SST: variants seen among roughly 807,000 people sequenced by gnomAD.
SST encodes somatostatin.
A neutral mutation model predicts 10.4 loss-of-function variants in SST; 7 were observed. That is an observed-to-expected ratio of 0.67 (90% CI 0.38 to 1.26). The LOEUF (loss-of-function observed/expected upper bound fraction) is 1.26, where lower values mean the gene tolerates loss of function less well. Ranked by LOEUF, SST falls within the 50% of genes most tolerant of loss-of-function variation. The probability of loss-of-function intolerance (pLI) is 0.02; values close to 1 mark genes in which losing one functional copy is unlikely to be tolerated. For missense variants in SST, 145 were observed against 140.8 expected (o/e 1.03, Z -0.15); for synonymous variants, 63 against 63.9 (o/e 0.99, Z 0.07).
In SST at chr3:187,669,196, A is replaced by G. The variant is rs200885816; in HGVS notation, c.220T>C (p.Ser74Pro). 9.9e-6 allele frequency: 16 copies of G among 1,613,958 alleles called. No individual in the cohort carries two copies. In the African/African-American group the frequency reaches 1.1e-4, roughly 11 times the overall value. The change falls in exon 2 of 2, where the codon TCC (serine) becomes CCC (proline). Residue 74 changes from serine (S) to proline (P), a missense_variant. Ser to Pro is a moderately conservative substitution (Grantham distance 74). Transcript: ENST00000287641. Reference protein sequence around the residue: ...ENDALEPEDLSQAAEQDEMRL... With the variant: ...ENDALEPEDLPQAAEQDEMRL... Reference sequence around the variant, plus strand: ...ATTTCATCCTGCTCAGCAGCCTGGGACAGATCTTCAGGTTCCAGGGCATCA... The same window carrying G: ...ATTTCATCCTGCTCAGCAGCCTGGGGCAGATCTTCAGGTTCCAGGGCATCA...
chr3:187,670,172 A>G lies in SST; in HGVS notation c.120T>C (p.Ala40=). ...TCCTTACCTGCTTCCCCGCGGCAGC[A>G]GCCAGGGACTTCTGCAGAAACTGAC... is the stretch of plus-strand genomic sequence containing the variant. ...RLRQFLQKSL[A]AAAGKQELAK... Residue 40 remains alanine, a synonymous_variant, in exon 1 of 2, where the codon GCT becomes GCC. Coordinates refer to ENST00000287641, the MANE Select transcript of SST (RefSeq NM_001048.4). 1 of 1,591,598 alleles carries G rather than the reference A, an allele frequency of 6.3e-7. No homozygotes were observed.
chr3:187,669,559 A>AACACACACAC (rs58680547), intron 1 of SST, among the ~76,000 whole-genome samples: 5 of 145,230 alleles, frequency 3.4e-5, no homozygotes, highest in Admixed American at 2.1e-4. Context: ...CACACGCACA[A>AACACACACAC]ACACACACAC....
intron 1 of SST, among the ~76,000 whole-genome samples, chr3:187,669,654 A>C (rs1717192298): frequency 6.6e-6 from 1 of 152,130 alleles, no homozygotes; most frequent in African/African-American, 2.4e-5. Context: ...CACGAGCTAC[A>C]AAGTAGAATT....
In SST at chr3:187,670,212, G is replaced by C. The variant is rs187722336; in HGVS notation, c.80C>G (p.Ser27Trp). Reference protein sequence around the residue: ...LALGCVTGAPSDPRLRQFLQK... With the variant: ...LALGCVTGAPWDPRLRQFLQK... ...CAGAAACTGACGGAGTCTGGGGTCC[G>C]AGGGAGCGCCGGTGACACAGCCCAG... Residue 27 changes from serine (S) to tryptophan (W), a missense_variant, in exon 1 of 2, where the codon TCG (serine) becomes TGG (tryptophan). Transcript: ENST00000287641. 1 of 1,595,630 alleles carries C rather than the reference G, an allele frequency of 6.3e-7. No homozygotes were observed. The highest frequency in any genetic ancestry group is 1.1e-5 in the South Asian group (1 of 87,818).
In SST at chr3:187,670,294, C is replaced by A; in HGVS notation, c.-3G>T. 1 of 1,577,540 alleles carries A rather than the reference C, an allele frequency of 6.3e-7. No individual in the cohort carries two copies. The highest frequency in any genetic ancestry group is 1.2e-5 in the South Asian group (1 of 86,292). On this transcript the variant is annotated 5_prime_UTR_variant, in exon 1 of 2. Transcript: ENST00000287641. ...CACTGGAGGCGGCAGGACAGCATCT[C>A]GGCGCCGCGAAAGCCGAGCTGGAGA...
chr3:187,670,341 G>A lies in SST; in HGVS notation c.-50C>T. On this transcript the variant is annotated 5_prime_UTR_variant, in exon 1 of 2. Transcript: ENST00000287641. Reference sequence around the variant, plus strand: ...GAGAGTGGCTGGTCAAACTCTAGGCGCGGATCAGCAGGCAGCAGCGATGGC... The same window carrying A: ...GAGAGTGGCTGGTCAAACTCTAGGCACGGATCAGCAGGCAGCAGCGATGGC... 6.5e-7 allele frequency: 1 copy of A among 1,536,598 alleles called. No homozygotes were observed. The highest frequency in any genetic ancestry group is 2.4e-5 in the East Asian group (1 of 41,048).
Position 187,670,151 on chromosome 3 carries a change from T to A in SST, c.138+3A>T. ...CCGGGAGACGTCGAGGGAGTCTCCTTACCTGCTTCCCCGCGGCAGCAGCCA... is the reference window on the plus strand; with the variant it reads ...CCGGGAGACGTCGAGGGAGTCTCCTAACCTGCTTCCCCGCGGCAGCAGCCA... On this transcript the variant is annotated splice_donor_region_variant and intron_variant, in intron 1 of 1. Coordinates refer to ENST00000287641, the MANE Select transcript of SST (RefSeq NM_001048.4). 1 of 1,584,740 alleles carries A rather than the reference T, an allele frequency of 6.3e-7. No individual in the cohort carries two copies. The highest frequency in any genetic ancestry group is 1.2e-5 in the South Asian group (1 of 86,392).
At chr3:187,670,031 G>T in intron 1 of SST, 123 bp downstream of exon 1, 1 of 1,063,076 alleles carries the variant, frequency 9.4e-7, no homozygotes. Flanking sequence ...GGAGCTGAGG[G>T]ACCCAGAAAA....
chr3:187,669,585 CAT>C (rs757203302), intron 1 of SST, among the ~76,000 whole-genome samples: 50 of 148,406 alleles, frequency 3.4e-4, no homozygotes, highest in African/African-American at 1.1e-3. Flanking sequence ...CACACACACA[CAT>C]AAAGACCGTT....
At position 187,670,226 on chromosome 3, in the gene SST, G is replaced by A. The variant is rs926092556; in HGVS notation, c.66C>T (p.Val22=). ...GTCTGGGGTCCGAGGGAGCGCCGGT[G>A]ACACAGCCCAGGGCCAGGACGATGG... ...ALSIVLALGC[V]TGAPSDPRLR... Residue 22 remains valine (V), a synonymous_variant, in exon 1 of 2, where the codon GTC becomes GTT. Transcript: ENST00000287641. The A allele has an allele frequency of 1.3e-6, 2 of 1,596,240 alleles. No homozygotes were observed. Among genetic ancestry groups the A allele is most frequent in the Non-Finnish European group, 1.7e-6 (2 of 1,171,670 alleles).
At chr3:187,669,370 G>T in intron 1 of SST, 93 bp from the exon 2 acceptor site, 1 of 1,243,494 alleles carries the variant, frequency 8.0e-7, no homozygotes, top group Non-Finnish European at 1.1e-6. Context: ...GAACAGATTT[G>T]GTCACACACA....
rs148403867 is a variant in SST at position 187,669,371 on chromosome 3, G to C, written c.139-94C>G. On this transcript the variant is annotated intron_variant, in intron 1 of 1. Coordinates refer to ENST00000287641, the MANE Select transcript of SST (RefSeq NM_001048.4). ...AAGCCTAAATTAAAGAACAGATTTGGTCACACACAAAATCCAGTTTTTACA... is the reference window on the plus strand; with the variant it reads ...AAGCCTAAATTAAAGAACAGATTTGCTCACACACAAAATCCAGTTTTTACA... 1.9e-4 allele frequency: 239 copies of C among 1,250,832 alleles called. No individual in the cohort carries two copies. In the African/African-American group the frequency reaches 3.5e-3, roughly 18 times the overall value. The allele number at this position is 1,250,832 out of a possible 1,614,324, so 77.5% of individuals were successfully genotyped here. A position where few individuals can be genotyped will look rare whatever the true frequency, so the allele number is the denominator to read the frequency against.
chr3:187,670,146 C>T lies in SST; in HGVS notation c.138+8G>A. 6.3e-7 allele frequency: 1 copy of T among 1,582,268 alleles called. No homozygotes were observed. Among genetic ancestry groups the T allele is most frequent in the Non-Finnish European group, 8.6e-7 (1 of 1,164,266 alleles). ...AGAATCCGGGAGACGTCGAGGGAGT[C>T]TCCTTACCTGCTTCCCCGCGGCAGC... On this transcript the variant is annotated splice_region_variant and intron_variant, in intron 1 of 1. Transcript: ENST00000287641.
At chr3:187,669,308 A>C (rs1389928287) in intron 1 of SST, 31 bp from the exon 2 acceptor site, 7 of 1,602,658 alleles carry the variant, frequency 4.4e-6, no homozygotes, top group Non-Finnish European at 6.0e-6. Context: ...AGAAAAAGAG[A>C]GAAAGAGAAG....
rs781551884 is a variant in SST at position 187,670,220 on chromosome 3, G to T, written c.72C>A (p.Gly24=). 4 of 1,595,548 alleles carry T rather than the reference G, an allele frequency of 2.5e-6. No homozygotes were observed. The highest frequency in any genetic ancestry group is 2.6e-6 in the Non-Finnish European group (3 of 1,171,258). The change falls in exon 1 of 2, where the codon GGC becomes GGA. Residue 24 remains glycine (G), a synonymous_variant. Transcript: ENST00000287641. The part of the protein sequence containing the change: ...SIVLALGCVT[G]APSDPRLRQF... ...GACGGAGTCTGGGGTCCGAGGGAGCGCCGGTGACACAGCCCAGGGCCAGGA... is the reference window on the plus strand; with the variant it reads ...GACGGAGTCTGGGGTCCGAGGGAGCTCCGGTGACACAGCCCAGGGCCAGGA...
chr3:187,670,329 C>A lies in SST; in HGVS notation c.-38G>T. 6.5e-7 allele frequency: 1 copy of A among 1,547,610 alleles called. No homozygotes were observed. The highest frequency in any genetic ancestry group is 8.7e-7 in the Non-Finnish European group (1 of 1,145,238). Reference sequence around the variant, plus strand: ...AAAGCCGAGCTGGAGAGTGGCTGGTCAAACTCTAGGCGCGGATCAGCAGGC... The same window carrying A: ...AAAGCCGAGCTGGAGAGTGGCTGGTAAAACTCTAGGCGCGGATCAGCAGGC... On this transcript the variant is annotated 5_prime_UTR_variant, in exon 1 of 2. Coordinates refer to ENST00000287641, the MANE Select transcript of SST (RefSeq NM_001048.4).
rs140763370 is a variant in SST at position 187,670,069 on chromosome 3, C to T, written c.138+85G>A. On this transcript the variant is annotated intron_variant, in intron 1 of 1. Coordinates refer to ENST00000287641, the MANE Select transcript of SST (RefSeq NM_001048.4). ...ACCAAAACTCTTTAGAAGGACTGAG[C>T]ATCCCTTACGTCCAAACCAATGGGG... 909 of 1,419,686 alleles carry T rather than the reference C, an allele frequency of 6.4e-4. 4 individuals are homozygous for T. The African/African-American group carries it at 0.012, about 18-fold the overall frequency. The allele number at this position is 1,419,686 out of a possible 1,614,324, so 87.9% of individuals were successfully genotyped here. A position where few individuals can be genotyped will look rare whatever the true frequency, so the allele number is the denominator to read the frequency against.
intron 1 of SST, among the ~76,000 whole-genome samples, chr3:187,669,561 C>T (rs59827089): frequency 1.2e-4 from 10 of 82,784 alleles, no homozygotes; most frequent in Non-Finnish European, 2.5e-4. Flanking sequence ...CACGCACAAA[C>T]ACACACACAC....
chr3:187,670,035 C>T, intron 1 of SST, 119 bp downstream of exon 1: 1 of 1,148,228 alleles, frequency 8.7e-7, no homozygotes. Context: ...CTGAGGGACC[C>T]AGAAAAGCAC....
Sources: allele counts gnomAD v4.1 joint callset (sites outside exome capture counted in the v4.1 genomes callset), GRCh38; gene constraint gnomAD v4.1.1; transcripts MANE v1.5; gene names NCBI Gene and HGNC (gene_info 2026-07-23, HGNC 2026-07-21).